The following GLB1L2 variants were observed in gnomAD, a reference collection of about 807,000 sequenced individuals.
GLB1L2 encodes the protein galactosidase beta 1 like 2.
GLB1L2 carries 68 observed loss-of-function variants against 84.1 expected under a neutral mutation model. The observed-to-expected ratio is 0.81, with a 90% CI of 0.67 to 0.99. The LOEUF is 0.99. Ranked by LOEUF, GLB1L2 falls within the 50% of genes least tolerant of loss-of-function variation. The probability of loss-of-function intolerance (pLI) is 0.00; values close to 1 mark genes in which losing one functional copy is unlikely to be tolerated. For synonymous variants in GLB1L2, 290 were observed against 318.0 expected, an observed-to-expected ratio of 0.91 and a Z score of 0.94; for missense variants, 762 against 805.6, an observed-to-expected ratio of 0.95 and a Z score of 0.66.
Position 134,345,201 on chromosome 11 carries a change from TGTTCCAGTTCCCATTCTGTACTG to T in GLB1L2, c.449+73_449+95del, listed in dbSNP as rs1215396671. 5.4e-5 allele frequency: 70 copies of T among 1,285,474 alleles called. No homozygotes were observed. The African/African-American group carries it at 9.4e-4, about 17-fold the overall frequency. The allele number at this position is 1,285,474 out of a possible 1,614,324, so 79.6% of individuals were successfully genotyped here. ...CAGACATAGGTCTGGTTTGTTTCTGTGTTCCAGTTCCCATTCTGTACTGAATTGTGTTCCAGTTCCCATTCTGT... is the reference window on the plus strand; with the variant it reads ...CAGACATAGGTCTGGTTTGTTTCTGTAATTGTGTTCCAGTTCCCATTCTGT... On this transcript the variant is annotated intron_variant, in intron 4 of 18. Coordinates refer to ENST00000535456, the MANE Select transcript of GLB1L2 (RefSeq NM_001370461.1).
rs144969583 is a variant in GLB1L2 at position 134,356,357 on chromosome 11, T to C, written c.615T>C (p.Tyr205=). 3 of 1,614,024 alleles carry C rather than the reference T, an allele frequency of 1.9e-6. No individual in the cohort carries two copies. Among genetic ancestry groups the C allele is most frequent in the East Asian group, 2.2e-5 (1 of 44,874 alleles). The change falls in exon 6 of 19, where the codon TAT becomes TAC. Residue 205 remains tyrosine (Y), a synonymous_variant. Coordinates refer to ENST00000535456, the MANE Select transcript of GLB1L2 (RefSeq NM_001370461.1). Reference sequence around the variant, plus strand: ...AGGTGGAGAATGAATATGGTTCCTATAATAAAGACCCCGCATACATGCCCT... The same window carrying C: ...AGGTGGAGAATGAATATGGTTCCTACAATAAAGACCCCGCATACATGCCCT... ...AVQVENEYGS[Y]NKDPAYMPYV...
Position 134,367,290 on chromosome 11 carries a change from A to G in GLB1L2, c.838A>G (p.Thr280Ala). Reference sequence around the variant, plus strand: ...GCCCAAGATGGTGATGGAGTACTGGACGGGGTGGTTTGACTCGTGGGGAGG... The same window carrying G: ...GCCCAAGATGGTGATGGAGTACTGGGCGGGGTGGTTTGACTCGTGGGGAGG... ...TQPKMVMEYW[T>A]GWFDSWGGPH... Residue 280 changes from threonine to alanine, a missense_variant, in exon 9 of 19, where the codon ACG (threonine) becomes GCG (alanine). Physicochemically the swap from Thr to Ala is moderately conservative, Grantham distance 58. Transcript: ENST00000535456. 1 of 1,614,106 alleles carries G rather than the reference A, an allele frequency of 6.2e-7. No individual in the cohort carries two copies. The highest frequency in any genetic ancestry group is 8.5e-7 in the Non-Finnish European group (1 of 1,180,008).
chr11:134,341,741 G>A (rs933825070), intron 1 of GLB1L2, among the ~76,000 whole-genome samples: 1 of 152,194 alleles, frequency 6.6e-6, no homozygotes, highest in Non-Finnish European at 1.5e-5. Context: ...AGAGGCTGGC[G>A]ATGTCCGAGC....
chr11:134,343,034 C>CTG, intron 2 of GLB1L2, 83 bp downstream of exon 2: 1 of 1,405,672 alleles, frequency 7.1e-7, no homozygotes, highest in Non-Finnish European at 9.7e-7. Context: ...TAAGAGGAAC[C>CTG]GGCCCAGGTC....
rs546493549 is a variant in GLB1L2, at chr11:134,371,802, T to C, written c.1479T>C (p.Tyr493=). The C allele has an allele frequency of 1.2e-6, 2 of 1,614,078 alleles. No homozygotes were observed. Among genetic ancestry groups the C allele is most frequent in the East Asian group, 4.5e-5 (2 of 44,866 alleles). ...ILVENRGRVN[Y]GENIDDQRKG... ...TGGAGAATCGTGGGCGAGTCAACTA[T>C]GGGGAGAATATTGATGACCAGCGCA... Residue 493 remains tyrosine (Y), a synonymous_variant, in exon 15 of 19, where the codon TAT becomes TAC. Transcript: ENST00000535456.
intron 9 of GLB1L2, 91 bp downstream of exon 9, chr11:134,367,432 G>A: frequency 1.9e-6 from 2 of 1,056,632 alleles, no homozygotes; most frequent in Non-Finnish European, 2.8e-6. Context: ...TAAGCCATAG[G>A]GGGTGCAAGG....
intron 9 of GLB1L2, among the ~76,000 whole-genome samples, chr11:134,368,184 T>C (rs952059824): frequency 1.3e-5 from 2 of 152,282 alleles, no homozygotes; most frequent in African/African-American, 4.8e-5. Flanking sequence ...AAAATATATA[T>C]TTATTAACCA....
chr11:134,367,638 G>T (rs568110075), intron 9 of GLB1L2, among the ~76,000 whole-genome samples: 2 of 152,178 alleles, frequency 1.3e-5, no homozygotes, highest in Admixed American at 1.3e-4. Context: ...AGAGCACAGA[G>T]AAAACACTTA....
chr11:134,357,723 C>T (rs1943723015), intron 6 of GLB1L2, among the ~76,000 whole-genome samples: 2 of 152,350 alleles, frequency 1.3e-5, no homozygotes, highest in East Asian at 1.9e-4. Flanking sequence ...AGAGAAGCAG[C>T]AGCGTCCAGC....
chr11:134,360,394 A>G (rs1226789195), intron 7 of GLB1L2: 1 of 152,294 alleles, frequency 6.6e-6, no homozygotes, highest in African/African-American at 2.4e-5. Flanking sequence ...TGTCTCCGGC[A>G]TGGGGAGGAC....
In GLB1L2 at chr11:134,370,945, A is replaced by G; in HGVS notation, c.1216-63A>G. On this transcript the variant is annotated intron_variant, in intron 12 of 18. Transcript: ENST00000535456. This position sits in a 1 kb window ranked among gnomAD's most constrained non-coding sequence, Gnocchi z 4.7. ...CCACCCCATGTGCCAGCCCCCAGGCAGAGTCTGTCTGTGACCCCACTCCTC... is the reference window on the plus strand; with the variant it reads ...CCACCCCATGTGCCAGCCCCCAGGCGGAGTCTGTCTGTGACCCCACTCCTC... 2.5e-6 allele frequency: 4 copies of G among 1,587,272 alleles called. No homozygotes were observed. Among genetic ancestry groups the G allele is most frequent in the Non-Finnish European group, 3.4e-6 (4 of 1,164,054 alleles).
chr11:134,354,207 G>A (rs1272580148), intron 5 of GLB1L2, among the ~76,000 whole-genome samples: 3 of 151,912 alleles, frequency 2.0e-5, no homozygotes, highest in Non-Finnish European at 4.4e-5. Flanking sequence ...TAAGGTAAAG[G>A]ATATATAATA....
chr11:134,348,687 A>G (rs571628255), intron 5 of GLB1L2, among the ~76,000 whole-genome samples: 11 of 152,334 alleles, frequency 7.2e-5, no homozygotes, highest in Admixed American at 2.0e-4. Flanking sequence ...TTGTGTGCTC[A>G]TCTCCACAGC....
rs1943419331 is a variant in GLB1L2 at position 134,338,542 on chromosome 11, T to G, written c.87-4212T>G. Among the ~76,000 whole-genome samples, 1 of 152,180 alleles carries G rather than the reference T, an allele frequency of 6.6e-6. No individual in the cohort carries two copies. Among genetic ancestry groups the G allele is most frequent in the African/African-American group, 2.4e-5 (1 of 41,428 alleles). On this transcript the variant is annotated intron_variant, in intron 1 of 18. Coordinates refer to ENST00000535456, the MANE Select transcript of GLB1L2 (RefSeq NM_001370461.1). The surrounding 1 kb of genome is among the most constrained non-coding windows in gnomAD (Gnocchi z 6.2). The stretch of plus-strand genomic sequence containing the variant: ...ACTACACCTGGAATCTCCTGCCTGC[T>G]GGGGCCTGCCCTGTACCCTTCATCC...
chr11:134,344,611 C>A (rs142200643), intron 3 of GLB1L2, among the ~76,000 whole-genome samples, 156 bp downstream of exon 3: 12 of 152,242 alleles, frequency 7.9e-5, no homozygotes, highest in Non-Finnish European at 1.5e-4. Flanking sequence ...CCAGACGCTC[C>A]CCAGTCGTGA....
At chr11:134,367,900 A>G (rs1464894936) in intron 9 of GLB1L2, among the ~76,000 whole-genome samples, 1 of 152,214 alleles carries the variant, frequency 6.6e-6, no homozygotes, top group Non-Finnish European at 1.5e-5. Context: ...TGTTAAGCGC[A>G]CGCCATCCCG....
At chr11:134,351,944 G>C (rs1316515562) in intron 5 of GLB1L2, among the ~76,000 whole-genome samples, 1 of 152,160 alleles carries the variant, frequency 6.6e-6, no homozygotes, top group African/African-American at 2.4e-5. Flanking sequence ...GTTTATTACT[G>C]TATTCTACCT....
Position 134,371,144 on chromosome 11 carries a change from G to T in GLB1L2, c.1352G>T (p.Gly451Val). The change falls in exon 13 of 19, where the codon GGG (glycine) becomes GTG (valine). Residue 451 changes from glycine to valine, a missense_variant. Coordinates refer to ENST00000535456, the MANE Select transcript of GLB1L2 (RefSeq NM_001370461.1). ...CTCAGTGGCCACGTGCATGATCGGG[G>T]GCAGGTAGGAGCTTCTCTTCTAAAT... ...GILSGHVHDRGQVFVNTVSIG... is the reference protein window; with the variant it reads ...GILSGHVHDRVQVFVNTVSIG... 1.9e-6 allele frequency: 3 copies of T among 1,614,152 alleles called. No individual in the cohort carries two copies. Among genetic ancestry groups the T allele is most frequent in the Non-Finnish European group, 2.5e-6 (3 of 1,180,034 alleles).
intron 6 of GLB1L2, among the ~76,000 whole-genome samples, chr11:134,357,804 A>G (rs1943724530): frequency 6.6e-6 from 1 of 152,244 alleles, no homozygotes; most frequent in Admixed American, 6.5e-5. Flanking sequence ...GTGGTGTGAG[A>G]GAACAGGTGC....
Sources: allele counts gnomAD v4.1 joint callset (sites outside exome capture counted in the v4.1 genomes callset), GRCh38; gene constraint gnomAD v4.1.1; non-coding constraint Gnocchi (gnomAD v3.1); transcripts MANE v1.5; gene names NCBI Gene and HGNC (gene_info 2026-07-23, HGNC 2026-07-21).